The following PCDHA2 variants were observed in gnomAD, a reference collection of about 807,000 sequenced individuals.
The protein encoded by PCDHA2 is protocadherin alpha-2.
Under a neutral mutation model 66.0 loss-of-function variants are expected in PCDHA2, and 58 were observed. The ratio of observed to expected loss-of-function variants is 0.88; its 90% confidence interval spans 0.71 to 1.09. The LOEUF is 1.09. Among genes scored for constraint, PCDHA2 ranks in the 50% least tolerant of loss-of-function variants. The pLI, the probability that PCDHA2 is intolerant of heterozygous loss-of-function variation, is 0.00. For synonymous variants in PCDHA2, 634 were observed against 554.0 expected (o/e 1.14, Z -2.03); for missense variants, 1,267 against 1,242.3 (o/e 1.02, Z -0.30).
At chr5:140,808,153 C>T in intron 1 of PCDHA2, 1 of 1,614,034 alleles carries the variant, frequency 6.2e-7, no homozygotes, top group Non-Finnish European at 8.5e-7. Context: ...TTGTAGAGGG[C>T]ATTGATAAGG....
intron 1 of PCDHA2, chr5:140,817,656 T>G (rs1272936545): frequency 3.3e-5 from 5 of 152,208 alleles, no homozygotes; most frequent in African/African-American, 9.6e-5. Context: ...GTTACTGATA[T>G]GCCTTTCAAT....
In PCDHA2 at chr5:140,929,084, T is replaced by C; in HGVS notation, c.2389-49865T>C. On this transcript the variant is annotated intron_variant, in intron 1 of 3. Transcript: ENST00000526136. ...GAGGATCTGAGGTATGGAAGTAAGATGGTTTCAAATCCTTGCATGACATCA... is the reference window on the plus strand; with the variant it reads ...GAGGATCTGAGGTATGGAAGTAAGACGGTTTCAAATCCTTGCATGACATCA... The C allele has an allele frequency of 1.9e-6, 3 of 1,614,160 alleles. No individual in the cohort carries two copies. The South Asian group carries it at 3.3e-5, about 18-fold the overall frequency.
At chr5:140,842,084 G>T in intron 1 of PCDHA2, 1 of 1,613,876 alleles carries the variant, frequency 6.2e-7, no homozygotes, top group South Asian at 1.1e-5. Flanking sequence ...ATTCGAAAAC[G>T]CAGACAACGG....
chr5:140,887,537 C>T (rs530539711), intron 1 of PCDHA2, among the ~76,000 whole-genome samples: 5 of 152,250 alleles, frequency 3.3e-5, no homozygotes, highest in Admixed American at 1.3e-4. Context: ...TTCCTCTCCC[C>T]ACCCCTCATG....
At position 140,843,977 on chromosome 5, in the gene PCDHA2, C is replaced by A. The variant is rs1357233460; in HGVS notation, c.2388+46625C>A. Reference sequence around the variant, plus strand: ...TTTACTGAATATTTATTTTGGCCTGCCTTACAGCCGTCTTCTCTGAACAAT... The same window carrying A: ...TTTACTGAATATTTATTTTGGCCTGACTTACAGCCGTCTTCTCTGAACAAT... On this transcript the variant is annotated intron_variant, in intron 1 of 3. Transcript: ENST00000526136. Among the ~76,000 whole-genome samples the A allele has an allele frequency of 1.3e-5, 2 of 149,352 alleles. 1 individual carries two copies.
At chr5:140,989,747 G>A (rs1554251066) in intron 3 of PCDHA2, among the ~76,000 whole-genome samples, 1 of 152,166 alleles carries the variant, frequency 6.6e-6, no homozygotes, top group African/African-American at 2.4e-5. Flanking sequence ...TGCCTAATCT[G>A]GAGAAACATA....
chr5:140,925,951 A>G (rs1057448284), intron 1 of PCDHA2, among the ~76,000 whole-genome samples: 2 of 152,102 alleles, frequency 1.3e-5, no homozygotes, highest in Admixed American at 1.3e-4. Flanking sequence ...GAGAAGGAGA[A>G]ACTGCTATCA....
At chr5:140,969,109 T>C (rs782731369) in intron 1 of PCDHA2, 10 of 1,614,126 alleles carry the variant, frequency 6.2e-6, no homozygotes, top group Non-Finnish European at 8.5e-6. Flanking sequence ...TCATTGAAGT[T>C]CGAGGGAATG....
At chr5:140,942,876 T>C (rs2093384814) in intron 1 of PCDHA2, among the ~76,000 whole-genome samples, 1 of 152,052 alleles carries the variant, frequency 6.6e-6, no homozygotes, top group Non-Finnish European at 1.5e-5. Context: ...GCATGACAAC[T>C]TTTTTCCTAA....
chr5:140,812,144 G>GC, intron 1 of PCDHA2: 1 of 137,962 alleles, frequency 7.2e-6, no homozygotes, highest in African/African-American at 2.8e-5. Context: ...CTGGTTTTGG[G>GC]CTTTTGTTGT....
chr5:140,987,730 C>CAA (rs2097266231), intron 3 of PCDHA2, among the ~76,000 whole-genome samples: 1 of 152,066 alleles, frequency 6.6e-6, no homozygotes, highest in African/African-American at 2.4e-5. Flanking sequence ...CCTACAGCTT[C>CAA]AAAATTTAGA....
chr5:140,799,905 C>T (rs1554121044), intron 1 of PCDHA2, among the ~76,000 whole-genome samples: 1 of 152,032 alleles, frequency 6.6e-6, no homozygotes, highest in Admixed American at 6.5e-5. Flanking sequence ...CTTCCAAATG[C>T]GGCGAGAATT....
At chr5:141,008,502 G>A (rs539439181) in intron 3 of PCDHA2, among the ~76,000 whole-genome samples, 2 of 152,110 alleles carry the variant, frequency 1.3e-5, no homozygotes, top group South Asian at 4.2e-4. Context: ...TATACTTTAT[G>A]GTGTGTCTTC....
chr5:140,879,671 G>T (rs1442617511), intron 1 of PCDHA2, among the ~76,000 whole-genome samples: 3 of 152,210 alleles, frequency 2.0e-5, no homozygotes, highest in Admixed American at 1.3e-4. Context: ...AACACAAACT[G>T]GGTGCTGTAA....
At chr5:140,805,440 T>C (rs1763570370) in intron 1 of PCDHA2, 19 of 1,049,118 alleles carry the variant, frequency 1.8e-5, no homozygotes, top group Non-Finnish European at 2.2e-5. Context: ...TTGGTTTTTG[T>C]GTGTGTGTGT....
chr5:140,882,189 T>A, intron 1 of PCDHA2: 6 of 1,519,304 alleles, frequency 3.9e-6, no homozygotes, highest in Non-Finnish European at 5.3e-6. Context: ...TAGGAAGCCA[T>A]AAAAATTGGG....
intron 1 of PCDHA2, chr5:140,883,960 G>T (rs2059914384): frequency 3.1e-6 from 5 of 1,613,090 alleles, no homozygotes; most frequent in Non-Finnish European, 4.2e-6. Flanking sequence ...ACGCTCCGGC[G>T]CTGCTGACGC....
chr5:140,850,035 A>G, intron 1 of PCDHA2: 1 of 1,596,458 alleles, frequency 6.3e-7, no homozygotes, highest in Non-Finnish European at 8.6e-7. Flanking sequence ...GCACGCGGAG[A>G]GCGGCAAGGT....
intron 3 of PCDHA2, among the ~76,000 whole-genome samples, chr5:140,984,164 A>T (rs1471799520): frequency 6.6e-6 from 1 of 152,208 alleles, no homozygotes; most frequent in African/African-American, 2.4e-5. Flanking sequence ...GAACTTCCCA[A>T]AGAAGCCACG....
Sources: gnomAD v4.1 joint callset for allele counts (sites outside exome capture counted in the v4.1 genomes callset) on GRCh38, gnomAD v4.1.1 for gene constraint, MANE v1.5 for transcripts, NCBI Gene and HGNC (gene_info 2026-07-23, HGNC 2026-07-21) for gene names.